Variants in GRK3 observed in about 807,000 individuals in gnomAD.
GRK3 encodes adrenergic, beta, receptor kinase 2.
GRK3 carries 54 observed loss-of-function variants against 95.7 expected under a neutral mutation model. The ratio of observed to expected loss-of-function variants is 0.56; its 90% confidence interval spans 0.45 to 0.71. GRK3 has a LOEUF of 0.71. Ranked by LOEUF, GRK3 falls within the 30% of genes least tolerant of loss-of-function variation. The probability of loss-of-function intolerance (pLI) is 0.00; values close to 1 mark genes in which losing one functional copy is unlikely to be tolerated. For synonymous variants in GRK3, 281 were observed against 290.8 expected (o/e 0.97, Z 0.34); for missense variants, 649 against 851.2 (o/e 0.76, Z 2.96).
chr22:25,687,728 GTCCC>G, intron 11 of GRK3, 61 bp downstream of exon 11: 1 of 1,581,308 alleles, frequency 6.3e-7, no homozygotes, highest in Non-Finnish European at 8.7e-7. Context: ...TCCTCTAGAA[GTCCC>G]CTTCTATTTC....
At chr22:25,646,667 C>T (rs2084784696) in intron 3 of GRK3, among the ~76,000 whole-genome samples, 1 of 152,022 alleles carries the variant, frequency 6.6e-6, no homozygotes, top group Non-Finnish European at 1.5e-5. Context: ...AGTGGGAAGA[C>T]ACAATACTTT....
At chr22:25,571,827 A>G (rs1931708015) in intron 1 of GRK3, among the ~76,000 whole-genome samples, 2 of 151,884 alleles carry the variant, frequency 1.3e-5, no homozygotes, top group Admixed American at 1.3e-4. Context: ...TGTGTCTAGA[A>G]CCTTCTACAC....
chr22:25,623,649 C>T (rs761002658), intron 2 of GRK3, among the ~76,000 whole-genome samples: 5 of 152,180 alleles, frequency 3.3e-5, no homozygotes, highest in African/African-American at 7.2e-5. Context: ...TTCATGCACA[C>T]GCACATATGC....
At chr22:25,690,531 C>T (rs1395603027) in intron 12 of GRK3, among the ~76,000 whole-genome samples, 3 of 152,090 alleles carry the variant, frequency 2.0e-5, no homozygotes, top group African/African-American at 7.2e-5. Context: ...ACAGTCAGGA[C>T]CTCAGCAAAA....
At chr22:25,717,208 T>A (rs758906289) in intron 18 of GRK3, among the ~76,000 whole-genome samples, 7 of 152,208 alleles carry the variant, frequency 4.6e-5, no homozygotes, top group Non-Finnish European at 8.8e-5. Context: ...CCATTTTATA[T>A]TGATGACTTG....
chr22:25,610,587 C>T (rs559533508), intron 2 of GRK3, among the ~76,000 whole-genome samples: 2 of 152,192 alleles, frequency 1.3e-5, no homozygotes, highest in African/African-American at 2.4e-5. Flanking sequence ...AATTTAAAAA[C>T]ATTTCCATGC....
At chr22:25,626,434 A>G (rs2084628848) in intron 2 of GRK3, among the ~76,000 whole-genome samples, 1 of 152,184 alleles carries the variant, frequency 6.6e-6, no homozygotes, top group Admixed American at 6.5e-5. Flanking sequence ...ACAGGGAGTG[A>G]GAGGGAGTGT....
At chr22:25,713,529 C>G (rs2085360473) in intron 17 of GRK3, among the ~76,000 whole-genome samples, 1 of 152,108 alleles carries the variant, frequency 6.6e-6, no homozygotes, top group Non-Finnish European at 1.5e-5. Flanking sequence ...TCTTGCCCTT[C>G]TCAGTATTTT....
In GRK3 at chr22:25,728,736, G is replaced by A. The variant is rs575091750; in HGVS notation, c.*6286G>A. ...TTTCCCCCCTTCACTATTTCAAAAT[G>A]GTTTTGAAATGGGGTCTTAAAGGTA... On this transcript the variant is annotated 3_prime_UTR_variant, in exon 21 of 21. Transcript: ENST00000324198. 2 of 152,204 alleles carry A rather than the reference G, an allele frequency of 1.3e-5. No homozygotes were observed. The highest frequency in any genetic ancestry group is 4.8e-5 in the African/African-American group (2 of 41,542). 9.4% of individuals were successfully genotyped at this position (152,204 alleles called of 1,614,324 possible).
At chr22:25,603,279 T>TAA (rs904033110) in intron 1 of GRK3, among the ~76,000 whole-genome samples, 1 of 148,744 alleles carries the variant, frequency 6.7e-6, no homozygotes, top group Admixed American at 6.7e-5. Context: ...TTTTAAAAAG[T>TAA]AAAAAAAAAA....
At chr22:25,586,731 T>G (rs1336257315) in intron 1 of GRK3, among the ~76,000 whole-genome samples, 1 of 152,246 alleles carries the variant, frequency 6.6e-6, no homozygotes, top group Non-Finnish European at 1.5e-5. Flanking sequence ...TACAGAGTGA[T>G]GGAGCTGTGG....
intron 1 of GRK3, among the ~76,000 whole-genome samples, chr22:25,595,288 G>T (rs2084364999): frequency 6.6e-6 from 1 of 152,016 alleles, no homozygotes; most frequent in Admixed American, 6.6e-5. Context: ...TCCAGGAATT[G>T]ATAAACGACT....
intron 3 of GRK3, chr22:25,647,144 C>T (rs1054017657): frequency 2.4e-5 from 10 of 412,108 alleles, no homozygotes; most frequent in African/African-American, 1.2e-4. Flanking sequence ...AAATGGAGGA[C>T]GAGGAGGTGG....
At chr22:25,621,294 T>A (rs1020610412) in intron 2 of GRK3, among the ~76,000 whole-genome samples, 3 of 152,272 alleles carry the variant, frequency 2.0e-5, no homozygotes, top group Admixed American at 1.3e-4. Context: ...TTGGTTTTAT[T>A]TTCCCAAACA....
At chr22:25,623,853 G>T (rs751464337) in intron 2 of GRK3, among the ~76,000 whole-genome samples, 1 of 152,114 alleles carries the variant, frequency 6.6e-6, no homozygotes, top group Non-Finnish European at 1.5e-5. Context: ...GATAGTTCAG[G>T]ACCTTCCTAA....
intron 7 of GRK3, among the ~76,000 whole-genome samples, 159 bp downstream of exon 7, chr22:25,672,506 T>C (rs2084991236): frequency 6.6e-6 from 1 of 152,228 alleles, no homozygotes; most frequent in Non-Finnish European, 1.5e-5. Context: ...CACCCTCCCA[T>C]GCTTCCTTAT....
intron 3 of GRK3, among the ~76,000 whole-genome samples, chr22:25,660,558 T>C (rs767493140): frequency 1.3e-4 from 20 of 152,186 alleles, no homozygotes; most frequent in Non-Finnish European, 2.4e-4. Context: ...CGTACCCTTT[T>C]TCCCTCACCT....
At chr22:25,644,054 G>A (rs973590983) in intron 2 of GRK3, among the ~76,000 whole-genome samples, 1 of 152,128 alleles carries the variant, frequency 6.6e-6, no homozygotes, top group Non-Finnish European at 1.5e-5. Flanking sequence ...TAGGTATTCG[G>A]TAGGGACTTG....
At chr22:25,656,015 TGTAAACTTGG>T (rs1019612871) in intron 3 of GRK3, among the ~76,000 whole-genome samples, 8 of 152,212 alleles carry the variant, frequency 5.3e-5, no homozygotes, top group African/African-American at 1.9e-4. Context: ...TTACTAGTTG[TGTAAACTTGG>T]GAAAGCTTTT....
Sources: allele counts gnomAD v4.1 joint callset (sites outside exome capture counted in the v4.1 genomes callset), GRCh38; gene constraint gnomAD v4.1.1; transcripts MANE v1.5; gene names NCBI Gene and HGNC (gene_info 2026-07-23, HGNC 2026-07-21).